The following GRIN2B variants were observed in gnomAD, a reference collection of about 807,000 sequenced individuals.
GRIN2B encodes glutamate ionotropic receptor NMDA type subunit 2B.
GRIN2B carries 5 observed loss-of-function variants against 114.5 expected under a neutral mutation model. That is an observed-to-expected ratio of 0.04 (90% confidence interval 0.02 to 0.09). GRIN2B has a LOEUF of 0.09. GRIN2B is among the 10% of genes least tolerant of loss of function. The pLI, the probability that GRIN2B is intolerant of heterozygous loss-of-function variation, is 1.00. For missense variants in GRIN2B, 1,108 were observed against 1,943.5 expected (o/e 0.57, Z 8.08); for synonymous variants, 787 against 745.1 (o/e 1.06, Z -0.92).
chr12:13,892,761 C>A (rs1866284851), intron 2 of GRIN2B, among the ~76,000 whole-genome samples: 1 of 152,210 alleles, frequency 6.6e-6, no homozygotes, highest in African/African-American at 2.4e-5. Flanking sequence ...CAAGAGCTAA[C>A]TGCAGCCCAC....
At chr12:13,832,039 A>G (rs1865158166) in intron 3 of GRIN2B, among the ~76,000 whole-genome samples, 1 of 152,128 alleles carries the variant, frequency 6.6e-6, no homozygotes. Flanking sequence ...ATGTTTTTGT[A>G]AGTTTATTTT....
At chr12:13,731,049 G>A (rs1212161308) in intron 4 of GRIN2B, among the ~76,000 whole-genome samples, 1 of 152,094 alleles carries the variant, frequency 6.6e-6, no homozygotes, top group Non-Finnish European at 1.5e-5. Context: ...GATGTTCAAG[G>A]CTCAGTCCAT....
intron 11 of GRIN2B, among the ~76,000 whole-genome samples, chr12:13,571,380 TCTTA>T (rs921306196): frequency 6.6e-6 from 1 of 152,188 alleles, no homozygotes; most frequent in Admixed American, 6.5e-5. Flanking sequence ...GTCAACGCAT[TCTTA>T]CTGTTAATTA....
intron 2 of GRIN2B, among the ~76,000 whole-genome samples, chr12:13,869,844 T>A (rs542661224): frequency 1.3e-5 from 2 of 152,340 alleles, no homozygotes; most frequent in Admixed American, 1.3e-4. Flanking sequence ...GCGAGTCACC[T>A]AATTACCATC....
At chr12:13,726,506 G>T (rs1862988735) in intron 4 of GRIN2B, among the ~76,000 whole-genome samples, 1 of 150,074 alleles carries the variant, frequency 6.7e-6, no homozygotes, top group South Asian at 2.1e-4. Context: ...CTGCACTCCA[G>T]CCTGGACAAA....
intron 5 of GRIN2B, chr12:13,634,124 A>G (rs1949643336): frequency 6.6e-6 from 1 of 152,236 alleles, no homozygotes; most frequent in African/African-American, 2.4e-5. Flanking sequence ...TCCAGAATAA[A>G]AGGTAGACAT....
At chr12:13,686,664 C>T (rs767793586) in intron 4 of GRIN2B, among the ~76,000 whole-genome samples, 20 of 152,206 alleles carry the variant, frequency 1.3e-4, no homozygotes, top group East Asian at 9.6e-4. Flanking sequence ...AAGTAATTGG[C>T]GCCTGATGAC....
intron 5 of GRIN2B, among the ~76,000 whole-genome samples, chr12:13,642,648 T>C (rs886494017): frequency 2.6e-5 from 4 of 152,202 alleles, no homozygotes; most frequent in African/African-American, 4.8e-5. Context: ...CTAGAATTCA[T>C]TTGCCAAAAA....
chr12:13,723,500 C>G (rs1023095477), intron 4 of GRIN2B, among the ~76,000 whole-genome samples: 1 of 151,668 alleles, frequency 6.6e-6, no homozygotes, highest in Non-Finnish European at 1.5e-5. Context: ...AAAACACTTG[C>G]ATATAAGCTA....
intron 3 of GRIN2B, among the ~76,000 whole-genome samples, chr12:13,847,977 A>C (rs558147723): frequency 2.6e-5 from 4 of 152,026 alleles, no homozygotes; most frequent in Admixed American, 2.6e-4. Context: ...TAATAGACAA[A>C]ATTCTCTCCA....
intron 3 of GRIN2B, among the ~76,000 whole-genome samples, chr12:13,820,986 A>G (rs937873892): frequency 2.0e-5 from 3 of 151,978 alleles, no homozygotes; most frequent in Non-Finnish European, 2.9e-5. Context: ...GTCTGCCCCA[A>G]CTGGTTTTTT....
At chr12:13,636,064 G>A (rs1213780795) in intron 5 of GRIN2B, among the ~76,000 whole-genome samples, 1 of 151,854 alleles carries the variant, frequency 6.6e-6, no homozygotes, top group Non-Finnish European at 1.5e-5. Flanking sequence ...GATGGTGTGT[G>A]ATGGGAGTTA....
At chr12:13,746,302 G>T (rs1193471277) in intron 4 of GRIN2B, among the ~76,000 whole-genome samples, 1 of 152,114 alleles carries the variant, frequency 6.6e-6, no homozygotes, top group African/African-American at 2.4e-5. Context: ...GACAACTGGG[G>T]CTGATTTAAA....
chr12:13,725,755 C>T (rs1449751546), intron 4 of GRIN2B, among the ~76,000 whole-genome samples: 1 of 152,072 alleles, frequency 6.6e-6, no homozygotes, highest in East Asian at 1.9e-4. Context: ...GGAAGAGGGC[C>T]CAGGGTTTTG....
intron 5 of GRIN2B, among the ~76,000 whole-genome samples, chr12:13,628,202 C>T (rs1949587647): frequency 6.6e-6 from 1 of 152,114 alleles, no homozygotes; most frequent in Non-Finnish European, 1.5e-5. Flanking sequence ...GTGCCTTGGG[C>T]CTGCCATAGC....
chr12:13,691,506 T>C (rs1950214860), intron 4 of GRIN2B, among the ~76,000 whole-genome samples: 1 of 152,122 alleles, frequency 6.6e-6, no homozygotes, highest in Admixed American at 6.5e-5. Context: ...TTGGGCATCC[T>C]AGCATAACCT....
chr12:13,541,307 T>C lies in GRIN2B; in HGVS notation c.*21476A>G, dbSNP rs1280836003. On this transcript the variant is annotated 3_prime_UTR_variant, in exon 14 of 14. Coordinates refer to ENST00000609686, the MANE Select transcript of GRIN2B (RefSeq NM_000834.5). The stretch of plus-strand genomic sequence containing the variant: ...AATCTATTCCCTCTGCTCCAACAAT[T>C]TTGCCCCTCACTTCCCACAAATTCC... 3 of 152,172 alleles carry C rather than the reference T, an allele frequency of 2.0e-5. No homozygotes were observed. The highest frequency in any genetic ancestry group is 2.9e-5 in the Non-Finnish European group (2 of 68,048). 9.4% of individuals were successfully genotyped at this position (152,172 alleles called of 1,614,324 possible). A position where few individuals can be genotyped will look rare whatever the true frequency, so the allele number is the denominator to read the frequency against.
intron 2 of GRIN2B, among the ~76,000 whole-genome samples, chr12:13,912,902 C>G (rs530378662): frequency 2.0e-5 from 3 of 152,244 alleles, no homozygotes; most frequent in African/African-American, 7.2e-5. Flanking sequence ...CTCAATGTCT[C>G]TGCTTAGAAA....
chr12:13,590,470 T>C (rs529222474), intron 10 of GRIN2B, among the ~76,000 whole-genome samples: 74 of 152,170 alleles, frequency 4.9e-4, no homozygotes, highest in Non-Finnish European at 1.5e-4. Flanking sequence ...TTCCTACTTA[T>C]GAATGAGAAC....
Sources: allele counts gnomAD v4.1 joint callset (sites outside exome capture counted in the v4.1 genomes callset), GRCh38; gene constraint gnomAD v4.1.1; transcripts MANE v1.5; gene names NCBI Gene and HGNC (gene_info 2026-07-23, HGNC 2026-07-21).